The following SYNE1 variants were observed in gnomAD, a reference collection of about 807,000 sequenced individuals.
SYNE1 encodes the protein nesprin-1.
Under a neutral mutation model 1,111.0 loss-of-function variants are expected in SYNE1, and 616 were observed. The ratio of observed to expected loss-of-function variants is 0.55; its 90% CI spans 0.52 to 0.59. The LOEUF (loss-of-function observed/expected upper bound fraction) is 0.59. SYNE1 is among the 20% of genes least tolerant of loss of function. SYNE1 has a pLI of 0.00. For missense variants in SYNE1, 10,006 were observed against 10,417.0 expected, an observed-to-expected ratio of 0.96 and a Z score of 1.72; for synonymous variants, 3,855 against 3,825.8, an observed-to-expected ratio of 1.01 and a Z score of -0.28.
At chr6:152,128,244 G>A (rs1177148955) in intron 145 of SYNE1, 6 of 152,210 alleles carry the variant, frequency 3.9e-5, no homozygotes, top group Non-Finnish European at 5.9e-5. Flanking sequence ...TCTAAAGTGT[G>A]TTTAACCTCA....
chr6:152,344,719 T>C (rs907509660), intron 73 of SYNE1, among the ~76,000 whole-genome samples: 2 of 152,214 alleles, frequency 1.3e-5, no homozygotes, highest in Non-Finnish European at 2.9e-5. Flanking sequence ...AATTATAACA[T>C]GAGGAGTGGA....
intron 31 of SYNE1, 94 bp downstream of exon 31, chr6:152,441,981 C>A (rs192574560): frequency 2.8e-6 from 4 of 1,414,906 alleles, no homozygotes; most frequent in African/African-American, 2.8e-5. Context: ...ACATCAGAGG[C>A]GGTAACAAAG....
At chr6:152,129,857 A>T (rs2152673203) in intron 145 of SYNE1, among the ~76,000 whole-genome samples, 1 of 152,292 alleles carries the variant, frequency 6.6e-6, no homozygotes, top group African/African-American at 2.4e-5. Context: ...TTTAACAGTG[A>T]ATTGCTAGGG....
At chr6:152,593,285 A>G (rs1164719551) in intron 3 of SYNE1, among the ~76,000 whole-genome samples, 1 of 152,190 alleles carries the variant, frequency 6.6e-6, no homozygotes, top group Non-Finnish European at 1.5e-5. Flanking sequence ...GAAATGTGTT[A>G]TGAAATGACA....
At chr6:152,318,308 AATTTCTCC>A in intron 85 of SYNE1, 45 bp from the exon 86 acceptor site, 1 of 1,608,948 alleles carries the variant, frequency 6.2e-7, no homozygotes, top group Non-Finnish European at 8.5e-7. Context: ...ACAGAAAATA[AATTTCTCC>A]AGGTTTCCCG....
At position 152,180,027 on chromosome 6, in the gene SYNE1, T is replaced by C. The variant is rs2067549716; in HGVS notation, c.23460+109A>G. 34 of 1,195,172 alleles carry C rather than the reference T, an allele frequency of 2.8e-5. No homozygotes were observed. In the South Asian group the frequency reaches 4.3e-4, roughly 15 times the overall value. The allele number at this position is 1,195,172 out of a possible 1,614,324, so 74.0% of individuals were successfully genotyped here. On this transcript the variant is annotated intron_variant, in intron 129 of 145. Coordinates refer to ENST00000367255, the MANE Select transcript of SYNE1 (RefSeq NM_182961.4). ...AAAAGATAAAATGTTTAAAATATAC[T>C]GCTCCTTTGACAGGAAAGTAATTGT...
intron 40 of SYNE1, among the ~76,000 whole-genome samples, chr6:152,418,304 T>C (rs2098196034): frequency 6.6e-6 from 1 of 152,202 alleles, no homozygotes; most frequent in African/African-American, 2.4e-5. Context: ...TCAGGGAAGA[T>C]AGCTGCTCTC....
At chr6:152,209,884 C>T (rs1466564177) in intron 124 of SYNE1, among the ~76,000 whole-genome samples, 1 of 152,138 alleles carries the variant, frequency 6.6e-6, no homozygotes, top group Non-Finnish European at 1.5e-5. Context: ...CATGATACTT[C>T]CCTAAAAGTT....
intron 16 of SYNE1, 81 bp from the exon 17 acceptor site, chr6:152,466,159 A>G (rs534094704): frequency 5.8e-6 from 5 of 862,750 alleles, no homozygotes; most frequent in Non-Finnish European, 9.7e-6. Context: ...CAGTATAGCT[A>G]TAAGCACAGT....
chr6:152,621,496 A>G (rs930338176), intron 3 of SYNE1, among the ~76,000 whole-genome samples: 1 of 152,196 alleles, frequency 6.6e-6, no homozygotes, highest in Non-Finnish European at 1.5e-5. Context: ...TACATGCCAT[A>G]TAAAATATAC....
At chr6:152,496,756 A>G (rs962770492) in intron 11 of SYNE1, among the ~76,000 whole-genome samples, 1 of 152,172 alleles carries the variant, frequency 6.6e-6, no homozygotes, top group Non-Finnish European at 1.5e-5. Context: ...CAGGAATGTC[A>G]GGTCTCTGAG....
chr6:152,176,977 A>C (rs573552069), intron 129 of SYNE1, among the ~76,000 whole-genome samples: 32 of 152,236 alleles, frequency 2.1e-4, no homozygotes, highest in African/African-American at 7.0e-4. Flanking sequence ...ATGCACACAC[A>C]CATATATATA....
intron 14 of SYNE1, chr6:152,472,731 T>G: frequency 1.5e-6 from 1 of 658,608 alleles, no homozygotes; most frequent in Non-Finnish European, 2.7e-6. Context: ...ATGAAATGAT[T>G]TTAGTATTTT....
rs773382528 is a variant in SYNE1 at position 152,219,190 on chromosome 6, A to T, written c.21862-5T>A. ...GCCCAGTCCTTTGAGGAGGTCCTAG[A>T]AGAGGTGAAAATATGCCCACTCTGA... On this transcript the variant is annotated splice_region_variant and splice_polypyrimidine_tract_variant and intron_variant, in intron 119 of 145. Coordinates refer to ENST00000367255, the MANE Select transcript of SYNE1 (RefSeq NM_182961.4). 1.9e-6 allele frequency: 3 copies of T among 1,613,282 alleles called. No individual in the cohort carries two copies. Among genetic ancestry groups the T allele is most frequent in the Admixed American group, 1.7e-5 (1 of 59,992 alleles).
At chr6:152,496,491 T>C (rs189853372) in intron 11 of SYNE1, among the ~76,000 whole-genome samples, 84 of 152,336 alleles carry the variant, frequency 5.5e-4, no homozygotes, top group South Asian at 8.3e-4. Context: ...TTGTGTCTTC[T>C]GTTTAGTTTC....
intron 113 of SYNE1, 86 bp from the exon 114 acceptor site, chr6:152,231,653 A>G (rs2082774836): frequency 9.5e-6 from 13 of 1,364,836 alleles, no homozygotes; most frequent in Non-Finnish European, 1.3e-5. Context: ...TAACCTTAAT[A>G]TTAATATTAT....
intron 3 of SYNE1, chr6:152,546,763 C>G (rs1830219): frequency 6.6e-6 from 1 of 151,932 alleles, no homozygotes; most frequent in Non-Finnish European, 1.5e-5. Flanking sequence ...TCACCCTTTT[C>G]GGCTCTGTTT....
Position 152,206,205 on chromosome 6 carries a change from A to G in SYNE1, c.22982T>C (p.Leu7661Pro), listed in dbSNP as rs754875084. ...GGCTAGTTTTTTCTTCTGTTCTTCC[A>G]GCCGCATGCTGGCTGATTTCCATTT... ...QEKWKSASMR[L>P]EEQKKKLAFL... The change falls in exon 126 of 146, where the codon CTG (leucine) becomes CCG (proline). Residue 7661 changes from leucine (L) to proline (P), a missense_variant. By Grantham distance (98) the Leu-to-Pro change is moderately conservative. Coordinates refer to ENST00000367255, the MANE Select transcript of SYNE1 (RefSeq NM_182961.4). 1.2e-6 allele frequency: 2 copies of G among 1,613,782 alleles called. No homozygotes were observed. Among genetic ancestry groups the G allele is most frequent in the South Asian group, 1.1e-5 (1 of 91,066 alleles).
At position 152,346,679 on chromosome 6, in the gene SYNE1, G is replaced by A. The variant is rs190287295; in HGVS notation, c.12078+380C>T. Among the ~76,000 whole-genome samples, 406 of 151,970 alleles carry A rather than the reference G, an allele frequency of 2.7e-3. 3 individuals carry two copies. The Middle Eastern group carries it at 0.027, about 10-fold the overall frequency. ...CAAAAAATTAGCCAGGCGTGGTGGCGGGCGCCTGTAGTCCCAGCTACTCGG... is the reference window on the plus strand; with the variant it reads ...CAAAAAATTAGCCAGGCGTGGTGGCAGGCGCCTGTAGTCCCAGCTACTCGG... On this transcript the variant is annotated intron_variant, in intron 73 of 145. Transcript: ENST00000367255.
Sources: gnomAD v4.1 joint callset for allele counts (sites outside exome capture counted in the v4.1 genomes callset) on GRCh38, gnomAD v4.1.1 for gene constraint, MANE v1.5 for transcripts, NCBI Gene and HGNC (gene_info 2026-07-23, HGNC 2026-07-21) for gene names.